ADAM29: variants seen among roughly 807,000 people sequenced by gnomAD.
ADAM29 encodes disintegrin and metalloproteinase domain-containing protein 29.
For missense variants in ADAM29, 969 were observed against 1,001.8 expected (o/e 0.97, Z 0.44); for synonymous variants, 367 against 342.3 (o/e 1.07, Z -0.80).
At chr4:174,967,260 A>C (rs1473769955) in intron 4 of ADAM29, among the ~76,000 whole-genome samples, 1 of 152,300 alleles carries the variant, frequency 6.6e-6, no homozygotes, top group African/African-American at 2.4e-5. Context: ...TTAAATGTAT[A>C]TGTAAACTTG....
chr4:174,943,839 C>G (rs992042864), intron 4 of ADAM29, among the ~76,000 whole-genome samples: 16 of 150,930 alleles, frequency 1.1e-4, no homozygotes, highest in South Asian at 4.2e-4. Flanking sequence ...GGAAGTCGTT[C>G]AGTGATTATA....
chr4:174,925,089 A>C (rs979378836), intron 2 of ADAM29, among the ~76,000 whole-genome samples: 1 of 152,220 alleles, frequency 6.6e-6, no homozygotes, highest in Admixed American at 6.5e-5. Context: ...GTACTCCTCA[A>C]GATTGTCAAA....
intron 2 of ADAM29, among the ~76,000 whole-genome samples, chr4:174,924,822 T>C (rs1743402045): frequency 6.6e-6 from 1 of 152,194 alleles, no homozygotes; most frequent in Admixed American, 6.5e-5. Flanking sequence ...TCTCCACTTC[T>C]TCCATGTGGG....
rs1156510077 is a variant in ADAM29, at chr4:174,977,081, C to T, written c.1556C>T (p.Thr519Ile). 6.2e-7 allele frequency: 1 copy of T among 1,614,018 alleles called. No homozygotes were observed. Among genetic ancestry groups the T allele is most frequent in the South Asian group, 1.1e-5 (1 of 91,070 alleles). Residue 519 changes from threonine (T) to isoleucine (I), a missense_variant, in exon 5 of 5, where the codon ACT becomes ATT. By Grantham distance (89) the Thr-to-Ile change is moderately conservative (BLOSUM62 -1). Transcript: ENST00000359240. ...GCAGGCGCAAATACTGCAAGTGAGA[C>T]TTGCTACAAAGAATTGAACACCTTA... ...FGAGANTASE[T>I]CYKELNTLGD...
In ADAM29 at chr4:174,977,179, G is replaced by T; in HGVS notation, c.1654G>T (p.Gly552Ter). 6.2e-7 allele frequency: 1 copy of T among 1,614,076 alleles called. No homozygotes were observed. Among genetic ancestry groups the T allele is most frequent in the Non-Finnish European group, 8.5e-7 (1 of 1,180,026 alleles). The change falls in exon 5 of 5, where the codon GGA becomes TGA. Residue 552 changes from glycine to a stop codon, truncating the protein, a stop_gained. Coordinates refer to ENST00000359240, the MANE Select transcript of ADAM29 (RefSeq NM_014269.4). LOFTEE classifies it low-confidence loss of function (END_TRUNC). ...GTGTAATATCTCAGATGTCCAGTGT[G>T]GAAGAATTCAGTGTGAGAATGTGAC... ...IKCNISDVQC[G>*]RIQCENVTEI...
chr4:174,959,015 A>G, intron 4 of ADAM29, among the ~76,000 whole-genome samples: 1 of 151,912 alleles, frequency 6.6e-6, no homozygotes, highest in East Asian at 1.9e-4. Context: ...ACTAACTGTT[A>G]GATCAGTTAA....
At chr4:174,957,702 T>A (rs1745582962) in intron 4 of ADAM29, among the ~76,000 whole-genome samples, 1 of 151,774 alleles carries the variant, frequency 6.6e-6, no homozygotes, top group African/African-American at 2.4e-5. Flanking sequence ...ACAACACTTA[T>A]TTTCTTACAC....
At chr4:174,938,130 T>C (rs1744306428) in intron 4 of ADAM29, among the ~76,000 whole-genome samples, 1 of 152,006 alleles carries the variant, frequency 6.6e-6, no homozygotes, top group African/African-American at 2.4e-5. Context: ...TAAATACAAA[T>C]GAACATTTCA....
chr4:174,962,748 C>G (rs1054011888), intron 4 of ADAM29, among the ~76,000 whole-genome samples: 2 of 151,588 alleles, frequency 1.3e-5, no homozygotes, highest in African/African-American at 4.9e-5. Context: ...TAAATACATA[C>G]AGTTTTATAT....
chr4:174,950,564 A>G lies in ADAM29; in HGVS notation c.-181+13551A>G, dbSNP rs534104017. ...GTAACTTCTAATGTGAATTTCTGAA[A>G]AAACTTCCACACACATTGCTTACAA... On this transcript the variant is annotated intron_variant, in intron 4 of 4. Transcript: ENST00000359240. Among the ~76,000 whole-genome samples the G allele has an allele frequency of 4.6e-5, 7 of 152,348 alleles. No individual in the cohort carries two copies. The South Asian group carries it at 1.4e-3, about 32-fold the overall frequency.
chr4:174,964,278 T>C (rs191183261), intron 4 of ADAM29, among the ~76,000 whole-genome samples: 1 of 152,008 alleles, frequency 6.6e-6, no homozygotes, highest in African/African-American at 2.4e-5. Flanking sequence ...CATCAAAGAT[T>C]GTATGTACAG....
At chr4:174,926,539 G>A (rs986555686) in intron 2 of ADAM29, among the ~76,000 whole-genome samples, 5 of 151,992 alleles carry the variant, frequency 3.3e-5, no homozygotes, top group Non-Finnish European at 5.9e-5. Context: ...TGACCGGGGA[G>A]GATTGCTTGA....
chr4:174,960,009 T>G (rs890243772), intron 4 of ADAM29, among the ~76,000 whole-genome samples: 2 of 152,028 alleles, frequency 1.3e-5, no homozygotes, highest in East Asian at 1.9e-4. Context: ...TACTCACATT[T>G]TCTGTTTATT....
At chr4:174,948,614 G>A (rs1398644672) in intron 4 of ADAM29, among the ~76,000 whole-genome samples, 2 of 152,156 alleles carry the variant, frequency 1.3e-5, no homozygotes, top group Admixed American at 6.5e-5. Flanking sequence ...TGCTTTGTTG[G>A]GACAGAGGCA....
At position 174,959,748 on chromosome 4, in the gene ADAM29, A is replaced by T. The variant is rs572446180; in HGVS notation, c.-180-15598A>T. On this transcript the variant is annotated intron_variant, in intron 4 of 4. Coordinates refer to ENST00000359240, the MANE Select transcript of ADAM29 (RefSeq NM_014269.4). Reference sequence around the variant, plus strand: ...TTCAAGATTGCCGCTAGCTTCGTTTATTATTTTCTTAATAGTGTTGAGTCT... The same window carrying T: ...TTCAAGATTGCCGCTAGCTTCGTTTTTTATTTTCTTAATAGTGTTGAGTCT... Among the ~76,000 whole-genome samples, 38 of 151,902 alleles carry T rather than the reference A, an allele frequency of 2.5e-4. 1 individual carries two copies. The highest frequency in any genetic ancestry group is 7.9e-4 in the Admixed American group (12 of 15,242).
chr4:174,948,109 G>T (rs112776506), intron 4 of ADAM29, among the ~76,000 whole-genome samples: 5 of 152,268 alleles, frequency 3.3e-5, no homozygotes, highest in African/African-American at 1.2e-4. Flanking sequence ...TCTTGGGCTT[G>T]CACTTTCCTA....
At chr4:174,950,698 ATACT>A (rs1328790114) in intron 4 of ADAM29, among the ~76,000 whole-genome samples, 1 of 152,164 alleles carries the variant, frequency 6.6e-6, no homozygotes, top group African/African-American at 2.4e-5. Context: ...GTATATATAC[ATACT>A]TGATGTGGTT....
intron 2 of ADAM29, among the ~76,000 whole-genome samples, chr4:174,925,430 A>T (rs1487589395): frequency 2.0e-5 from 3 of 152,188 alleles, no homozygotes; most frequent in Non-Finnish European, 4.4e-5. Context: ...AATATTTAAA[A>T]TGTCATGACC....
chr4:174,931,846 A>G (rs1460435157), intron 3 of ADAM29, among the ~76,000 whole-genome samples: 1 of 152,116 alleles, frequency 6.6e-6, no homozygotes, highest in African/African-American at 2.4e-5. Flanking sequence ...AAGCACACAT[A>G]CACACAGTGA....
Sources: gnomAD v4.1 joint callset for allele counts (sites outside exome capture counted in the v4.1 genomes callset) on GRCh38, gnomAD v4.1.1 for gene constraint, MANE v1.5 for transcripts, NCBI Gene and HGNC (gene_info 2026-07-23, HGNC 2026-07-21) for gene names.